The following PPP1R13B variants were observed in gnomAD, a reference collection of about 807,000 sequenced individuals.
The protein encoded by PPP1R13B is apoptosis-stimulating of p53 protein 1.
Under a neutral mutation model 119.8 loss-of-function variants are expected in PPP1R13B, and 44 were observed. The ratio of observed to expected loss-of-function variants is 0.37; its 90% confidence interval spans 0.29 to 0.47. PPP1R13B has a LOEUF of 0.47. PPP1R13B is among the 20% of genes least tolerant of loss of function. The pLI is 0.99. For synonymous variants in PPP1R13B, 542 were observed against 561.5 expected, an observed-to-expected ratio of 0.97 and a Z score of 0.49; for missense variants, 1,227 against 1,413.5, an observed-to-expected ratio of 0.87 and a Z score of 2.12.
intron 4 of PPP1R13B, among the ~76,000 whole-genome samples, chr14:103,765,040 G>C (rs529007560): frequency 7.3e-4 from 111 of 152,242 alleles, no homozygotes; most frequent in South Asian, 6.0e-3. Context: ...GGATGGTCTC[G>C]ATCTCCTGAC....
intron 8 of PPP1R13B, among the ~76,000 whole-genome samples, chr14:103,748,605 C>T (rs1210585053): frequency 6.6e-6 from 1 of 152,222 alleles, no homozygotes; most frequent in Non-Finnish European, 1.5e-5. Context: ...ATGCACTCAG[C>T]TCTGCATTCA....
chr14:103,774,920 T>C (rs1415468882), intron 4 of PPP1R13B, among the ~76,000 whole-genome samples: 1 of 152,230 alleles, frequency 6.6e-6, no homozygotes, highest in African/African-American at 2.4e-5. Flanking sequence ...TCCTAAATTA[T>C]TCCTCTAGAG....
intron 1 of PPP1R13B, among the ~76,000 whole-genome samples, chr14:103,834,830 T>G (rs147638386): frequency 0.013 from 1,975 of 152,154 alleles, 44 homozygotes; most frequent in African/African-American, 0.045. Context: ...TGACCTCAGG[T>G]AAGCCACCCA....
chr14:103,772,150 T>C (rs1165921639), intron 4 of PPP1R13B, among the ~76,000 whole-genome samples: 1 of 148,822 alleles, frequency 6.7e-6, no homozygotes, highest in Non-Finnish European at 1.5e-5. Flanking sequence ...GATTCATCCA[T>C]GTTGTAGCAT....
rs117426270 is a variant in PPP1R13B, at chr14:103,840,843, C to G, written c.9+6456G>C. 9.2e-3 allele frequency among the ~76,000 whole-genome samples: 1,403 copies of G among 151,816 alleles called. 9 individuals carry two copies. Among genetic ancestry groups the G allele is most frequent in the Non-Finnish European group, 0.014 (944 of 67,944 alleles). On this transcript the variant is annotated intron_variant, in intron 1 of 16. Transcript: ENST00000202556. ...AAGAACATTATTGTGTATTTTGAAA[C>G]AGGAGAGCCACTGAAATGTTCCCAA...
intron 2 of PPP1R13B, among the ~76,000 whole-genome samples, chr14:103,793,493 T>A (rs1288756935): frequency 6.6e-6 from 1 of 152,192 alleles, no homozygotes; most frequent in African/African-American, 2.4e-5. Context: ...TGATTGTAAG[T>A]TTCCTGAGGC....
At chr14:103,768,643 G>A (rs1277202050) in intron 4 of PPP1R13B, among the ~76,000 whole-genome samples, 1 of 152,018 alleles carries the variant, frequency 6.6e-6, no homozygotes, top group African/African-American at 2.4e-5. Flanking sequence ...ATATTGGCCA[G>A]GATAGTCTCA....
intron 4 of PPP1R13B, among the ~76,000 whole-genome samples, chr14:103,766,058 G>A (rs552233784): frequency 6.6e-6 from 1 of 150,796 alleles, no homozygotes; most frequent in African/African-American, 2.4e-5. Flanking sequence ...GCCCAGGCTT[G>A]AGCGCAGTGG....
intron 1 of PPP1R13B, among the ~76,000 whole-genome samples, chr14:103,822,150 TG>T (rs2086424992): frequency 6.6e-6 from 1 of 152,044 alleles, no homozygotes; most frequent in Admixed American, 6.6e-5. Flanking sequence ...TTTTTTTTTT[TG>T]GAGACGGAGT....
At chr14:103,741,226 A>G (rs987770150) in intron 11 of PPP1R13B, among the ~76,000 whole-genome samples, 1 of 152,250 alleles carries the variant, frequency 6.6e-6, no homozygotes, top group African/African-American at 2.4e-5. Flanking sequence ...TCCTCCCGTA[A>G]GAGTCGGAAA....
At position 103,740,982 on chromosome 14, in the gene PPP1R13B, C is replaced by A. The variant is rs953703598; in HGVS notation, c.1823-389G>T. On this transcript the variant is annotated intron_variant, in intron 11 of 16. Coordinates refer to ENST00000202556, the MANE Select transcript of PPP1R13B (RefSeq NM_015316.3). This position sits in a 1 kb window ranked among gnomAD's most constrained non-coding sequence, Gnocchi z 4.6. ...ACTCACATGACGGAGACACACGCGC[C>A]TCCTCAGAGCAGGAAGGTTTTACCT... 9.2e-5 allele frequency among the ~76,000 whole-genome samples: 14 copies of A among 152,258 alleles called. No homozygotes were observed. Among genetic ancestry groups the A allele is most frequent in the Non-Finnish European group, 1.5e-5 (1 of 68,048 alleles).
At chr14:103,780,236 T>C (rs542151947) in intron 3 of PPP1R13B, among the ~76,000 whole-genome samples, 4 of 150,116 alleles carry the variant, frequency 2.7e-5, no homozygotes, top group East Asian at 2.0e-4. Context: ...CTGCAATCCC[T>C]GCAGTTTCAG....
Position 103,772,204 on chromosome 14 carries a change from T to C in PPP1R13B, c.354+6541A>G, listed in dbSNP as rs1360695117. Among the ~76,000 whole-genome samples the C allele has an allele frequency of 3.9e-5, 6 of 152,258 alleles. No individual in the cohort carries two copies. In the South Asian group the frequency reaches 6.2e-4, roughly 16 times the overall value. On this transcript the variant is annotated intron_variant, in intron 4 of 16. Coordinates refer to ENST00000202556, the MANE Select transcript of PPP1R13B (RefSeq NM_015316.3). ...TTCTGATTGTTCAGGAATATTCCAC[T>C]GTGAGGATATACCATAGTCTATTTG...
chr14:103,834,992 C>G (rs1362284548), intron 1 of PPP1R13B, among the ~76,000 whole-genome samples: 1 of 152,218 alleles, frequency 6.6e-6, no homozygotes, highest in Non-Finnish European at 1.5e-5. Context: ...ATGAAGGGCA[C>G]AAGCATTCTG....
intron 1 of PPP1R13B, among the ~76,000 whole-genome samples, chr14:103,836,192 C>T (rs1266487465): frequency 6.6e-6 from 1 of 151,686 alleles, no homozygotes; most frequent in Non-Finnish European, 1.5e-5. Flanking sequence ...ATTACAGGCG[C>T]CCGCCACCAC....
intron 2 of PPP1R13B, among the ~76,000 whole-genome samples, chr14:103,793,096 GAGGGGAGGGA>G (rs899690535): frequency 5.8e-5 from 8 of 137,558 alleles, no homozygotes; most frequent in South Asian, 2.6e-4. Context: ...GAAGGAAGGG[GAGGGGAGGGA>G]AGGGGAGGGA....
At chr14:103,792,186 GTGTGTGTGTGTGTGTA>G (rs2085639095) in intron 2 of PPP1R13B, among the ~76,000 whole-genome samples, 1 of 136,020 alleles carries the variant, frequency 7.4e-6, no homozygotes, top group South Asian at 2.3e-4. Flanking sequence ...GTGTGTGTGT[GTGTGTGTGTGTGTGTA>G]TATTTTTTTA....
intron 1 of PPP1R13B, among the ~76,000 whole-genome samples, chr14:103,815,850 G>A (rs1245865510): frequency 3.3e-5 from 5 of 151,876 alleles, no homozygotes; most frequent in Middle Eastern, 3.2e-3. Flanking sequence ...TTGGGAGGCC[G>A]AGGCGGGCAG....
Position 103,739,804 on chromosome 14 carries a change from G to T in PPP1R13B, c.2592+20C>A. On this transcript the variant is annotated intron_variant, in intron 12 of 16. Coordinates refer to ENST00000202556, the MANE Select transcript of PPP1R13B (RefSeq NM_015316.3). The stretch of plus-strand genomic sequence containing the variant: ...TGAATGACCAGGAAGGCCAGGCTTT[G>T]GTCTAGCAATGACACCCACCGTGGA... The T allele has an allele frequency of 6.3e-7, 1 of 1,578,728 alleles. No individual in the cohort carries two copies.
Sources: gnomAD v4.1 joint callset for allele counts (sites outside exome capture counted in the v4.1 genomes callset) on GRCh38, gnomAD v4.1.1 for gene constraint, Gnocchi (gnomAD v3.1) non-coding constraint, MANE v1.5 for transcripts, NCBI Gene and HGNC (gene_info 2026-07-23, HGNC 2026-07-21) for gene names.